The following TLN2 variants were observed in gnomAD, a reference collection of about 807,000 sequenced individuals.
TLN2 encodes the protein talin-2.
A neutral mutation model predicts 294.7 loss-of-function variants in TLN2; 118 were observed. The observed-to-expected ratio is 0.40, with a 90% CI of 0.34 to 0.47. The LOEUF (loss-of-function observed/expected upper bound fraction) is 0.47, where lower values mean the gene tolerates loss of function less well. Ranked by LOEUF, TLN2 falls within the 20% of genes least tolerant of loss-of-function variation. The pLI, the probability that TLN2 is intolerant of heterozygous loss-of-function variation, is 0.84. For missense variants in TLN2, 3,083 were observed against 3,282.2 expected (o/e 0.94, Z 1.48); for synonymous variants, 1,431 against 1,304.5 (o/e 1.10, Z -2.09).
chr15:62,456,141 G>C (rs1478199769), intron 1 of TLN2, among the ~76,000 whole-genome samples: 1 of 151,754 alleles, frequency 6.6e-6, no homozygotes, highest in Non-Finnish European at 1.5e-5. Flanking sequence ...CTGATCGTCC[G>C]GGGAGTACCT....
intron 1 of TLN2, among the ~76,000 whole-genome samples, chr15:62,515,918 C>G (rs28418803): frequency 6.6e-6 from 1 of 152,186 alleles, no homozygotes; most frequent in Admixed American, 6.5e-5. Context: ...GCATGTCCCG[C>G]TGTGCAGTAG....
In TLN2 at chr15:62,708,784, A is replaced by T. The variant is rs769343694; in HGVS notation, c.2455A>T (p.Met819Leu). Residue 819 changes from methionine to leucine, a missense_variant, in exon 21 of 59, where the codon ATG (methionine) becomes TTG (leucine). By Grantham distance (15) the Met-to-Leu change is conservative. Coordinates refer to ENST00000636159, the MANE Select transcript of TLN2 (RefSeq NM_015059.3). ...MCVTESIFSS[M>L]GDAGEMVRQA... ...TGTCACCGAGAGCATCTTCAGCTCCATGGGTGACGCTGGTAAGGCACTGTG... is the reference window on the plus strand; with the variant it reads ...TGTCACCGAGAGCATCTTCAGCTCCTTGGGTGACGCTGGTAAGGCACTGTG... The T allele has an allele frequency of 6.2e-6, 10 of 1,602,836 alleles. No individual in the cohort carries two copies. The highest frequency in any genetic ancestry group is 8.5e-6 in the Non-Finnish European group (10 of 1,179,332).
chr15:62,564,591 C>T (rs1269207087), intron 1 of TLN2, among the ~76,000 whole-genome samples: 1 of 152,066 alleles, frequency 6.6e-6, no homozygotes, highest in Non-Finnish European at 1.5e-5. Flanking sequence ...GTGTGCATTA[C>T]TTTTCCTATG....
At chr15:62,825,817 A>ATTATATAATATAATATATAATAT (rs1491542725) in intron 54 of TLN2, among the ~76,000 whole-genome samples, 1 of 22,254 alleles carries the variant, frequency 4.5e-5, no homozygotes, top group African/African-American at 2.0e-4. Context: ...ATTATATTAT[A>ATTATATAATATAATATATAATAT]ATATATATTA....
At chr15:62,486,739 C>T (rs2038422047) in intron 1 of TLN2, among the ~76,000 whole-genome samples, 1 of 150,450 alleles carries the variant, frequency 6.6e-6, no homozygotes, top group Non-Finnish European at 1.5e-5. Flanking sequence ...ATCTGTTGTA[C>T]AGGAGTTGAG....
intron 1 of TLN2, among the ~76,000 whole-genome samples, chr15:62,465,278 GC>G (rs1389862280): frequency 6.6e-6 from 1 of 151,932 alleles, no homozygotes; most frequent in East Asian, 1.9e-4. Flanking sequence ...CGTTGGCCTA[GC>G]CCCCCTATCC....
chr15:62,444,059 C>T (rs1255205897), intron 1 of TLN2, among the ~76,000 whole-genome samples: 1 of 152,168 alleles, frequency 6.6e-6, no homozygotes, highest in African/African-American at 2.4e-5. Flanking sequence ...CAGTCAAGAA[C>T]CTTTATTGAG....
chr15:62,704,040 C>T (rs529037470), intron 19 of TLN2, among the ~76,000 whole-genome samples: 4 of 152,276 alleles, frequency 2.6e-5, no homozygotes, highest in Admixed American at 6.5e-5. Context: ...AGTTCTGGCC[C>T]AGGTTCTCTG....
intron 9 of TLN2, among the ~76,000 whole-genome samples, chr15:62,661,692 T>G (rs1028507882): frequency 1.3e-5 from 2 of 152,198 alleles, no homozygotes; most frequent in African/African-American, 4.8e-5. Context: ...AGGTCTATAC[T>G]ATCTCTAAAA....
Position 62,750,447 on chromosome 15 carries a change from C to T in TLN2, c.4165C>T (p.Leu1389Phe), listed in dbSNP as rs370583781. 6.2e-7 allele frequency: 1 copy of T among 1,614,044 alleles called. No individual in the cohort carries two copies. Among genetic ancestry groups the T allele is most frequent in the African/African-American group, 1.3e-5 (1 of 74,918 alleles). ...LDNPNEPVSD[L>F]SYFDCIESVM... ...CAATCCTAATGAACCTGTTAGTGAC[C>T]TCTCTTACTTTGACTGCATTGAGAG... is the stretch of plus-strand genomic sequence containing the variant. The change falls in exon 34 of 59, where the codon CTC (leucine) becomes TTC (phenylalanine). Residue 1389 changes from leucine (L) to phenylalanine (F), a missense_variant. Coordinates refer to ENST00000636159, the MANE Select transcript of TLN2 (RefSeq NM_015059.3).
intron 1 of TLN2, among the ~76,000 whole-genome samples, chr15:62,395,703 GAATAA>G (rs1286184360): frequency 2.0e-5 from 3 of 152,120 alleles, no homozygotes; most frequent in African/African-American, 7.2e-5. Flanking sequence ...TCAGTAAAAT[GAATAA>G]AATAAGGTAC....
Position 62,762,310 on chromosome 15 carries a change from G to T in TLN2, c.4818G>T (p.Lys1606Asn). 6.2e-7 allele frequency: 1 copy of T among 1,614,208 alleles called. No homozygotes were observed. Among genetic ancestry groups the T allele is most frequent in the Non-Finnish European group, 8.5e-7 (1 of 1,180,040 alleles). Residue 1606 changes from lysine to asparagine, a missense_variant, in exon 39 of 59, where the codon AAG becomes AAT. By Grantham distance (94) the Lys-to-Asn change is moderately conservative (BLOSUM62 0). Transcript: ENST00000636159. ...QAQEPILVSA[K>N]TMLESSSYLI... ...AGGAACCAATCCTGGTCTCAGCCAA[G>T]ACCATGCTGGAGAGTTCATCGTACC...
chr15:62,490,627 C>T (rs984089450), intron 1 of TLN2, among the ~76,000 whole-genome samples: 5 of 152,004 alleles, frequency 3.3e-5, no homozygotes, highest in South Asian at 2.1e-4. Context: ...AGGAGCTTCT[C>T]GGTGTTGTGT....
At chr15:62,538,898 G>T (rs185351046) in intron 1 of TLN2, among the ~76,000 whole-genome samples, 10 of 152,308 alleles carry the variant, frequency 6.6e-5, no homozygotes, top group Admixed American at 5.2e-4. Flanking sequence ...GAGAGGGTAA[G>T]TGCTTTATTA....
intron 53 of TLN2, 85 bp downstream of exon 53, chr15:62,819,706 C>T (rs928902796): frequency 1.2e-4 from 150 of 1,208,548 alleles, no homozygotes; most frequent in Middle Eastern, 1.9e-4. Flanking sequence ...AAAGCACAGA[C>T]GGCAATGGCC....
chr15:62,684,060 G>C (rs11071684), intron 11 of TLN2: 143,196 of 152,352 alleles, frequency 0.94, 67,843 homozygotes, highest in Non-Finnish European at 1. Flanking sequence ...GTTGCCAGTT[G>C]CAGTATTTTT....
intron 1 of TLN2, among the ~76,000 whole-genome samples, chr15:62,556,726 A>T (rs753361640): frequency 6.6e-6 from 1 of 152,118 alleles, no homozygotes; most frequent in African/African-American, 2.4e-5. Context: ...TGAGTACTTT[A>T]TTTTGTTTTT....
intron 52 of TLN2, among the ~76,000 whole-genome samples, chr15:62,812,939 A>G (rs1165119881): frequency 1.3e-5 from 2 of 152,194 alleles, no homozygotes; most frequent in Non-Finnish European, 2.9e-5. Context: ...CCCAGTCGCT[A>G]TGTCAACATC....
chr15:62,683,554 T>G (rs918858732), intron 11 of TLN2, among the ~76,000 whole-genome samples: 69 of 150,100 alleles, frequency 4.6e-4, no homozygotes, highest in Non-Finnish European at 7.4e-4. Context: ...GTAGAATGCC[T>G]GCATTCTCCC....
Sources: allele counts gnomAD v4.1 joint callset (sites outside exome capture counted in the v4.1 genomes callset), GRCh38; gene constraint gnomAD v4.1.1; transcripts MANE v1.5; gene names NCBI Gene and HGNC (gene_info 2026-07-23, HGNC 2026-07-21).